PON2: variants seen among roughly 807,000 people sequenced by gnomAD.
The protein encoded by PON2 is serum paraoxonase/arylesterase 2.
A neutral mutation model predicts 36.6 loss-of-function variants in PON2; 27 were observed. The ratio of observed to expected loss-of-function variants is 0.74; its 90% CI spans 0.54 to 1.02. The LOEUF is 1.02. Ranked by LOEUF, PON2 falls within the 50% of genes least tolerant of loss-of-function variation. The probability of loss-of-function intolerance (pLI) is 0.00; values close to 1 mark genes in which losing one functional copy is unlikely to be tolerated. For synonymous variants in PON2, 149 were observed against 156.3 expected, an observed-to-expected ratio of 0.95 and a Z score of 0.35; for missense variants, 363 against 421.1, an observed-to-expected ratio of 0.86 and a Z score of 1.21.
rs555940055 is a variant in PON2 at position 95,416,311 on chromosome 7, G to A, written c.146-14C>T. 35 of 1,613,120 alleles carry A rather than the reference G, an allele frequency of 2.2e-5. 1 individual carries two copies. The East Asian group carries it at 6.7e-4, about 31-fold the overall frequency. On this transcript the variant is annotated splice_polypyrimidine_tract_variant and intron_variant, in intron 2 of 8. Transcript: ENST00000222572. ...CAGAGCCAGCTTCTGTAAGTTTAAG[G>A]AACAGATAAATGTCATGTTCAAGTT... is the stretch of plus-strand genomic sequence containing the variant.
intron 8 of PON2, 45 bp from the exon 9 acceptor site, chr7:95,405,533 C>A (rs1562783295): frequency 6.4e-7 from 1 of 1,553,304 alleles, no homozygotes; most frequent in Non-Finnish European, 8.9e-7. Context: ...ACCGTACATG[C>A]ATGTCACTCA....
rs1809714185 is a variant in PON2 at position 95,406,990 on chromosome 7, C to A, written c.774G>T (p.Leu258Phe). ...TATGTAAAAATAAATATTTTACCTTCAACTGAGTTAAATTCATATTAGTGT... is the reference window on the plus strand; with the variant it reads ...TATGTAAAAATAAATATTTTACCTTAAACTGAGTTAAATTCATATTAGTGT... ...EKHTNMNLTQ[L>F]KVLELDTLVD... Residue 258 changes from leucine (L) to phenylalanine (F), a missense_variant, in exon 7 of 9, where the codon TTG becomes TTT. Physicochemically the swap from Leu to Phe is conservative, Grantham distance 22. Transcript: ENST00000222572. 2.0e-6 allele frequency: 3 copies of A among 1,524,698 alleles called. No individual in the cohort carries two copies. The highest frequency in any genetic ancestry group is 2.7e-6 in the Non-Finnish European group (3 of 1,101,382). 94.4% of individuals were successfully genotyped at this position (1,524,698 alleles called of 1,614,324 possible).
intron 2 of PON2, among the ~76,000 whole-genome samples, chr7:95,422,343 C>T (rs575086655): frequency 6.6e-6 from 1 of 152,140 alleles, no homozygotes; most frequent in South Asian, 2.1e-4. Context: ...AAAAAGGGAG[C>T]TTTATCTTTG....
intron 2 of PON2, 67 bp downstream of exon 2, chr7:95,424,448 T>C: frequency 7.9e-7 from 1 of 1,265,560 alleles, no homozygotes; most frequent in Non-Finnish European, 1.2e-6. Context: ...AAAATGCCAT[T>C]AATGAGTGTT....
At chr7:95,410,268 G>T (rs181064370) in intron 5 of PON2, among the ~76,000 whole-genome samples, 167 bp from the exon 6 acceptor site, 3 of 152,266 alleles carry the variant, frequency 2.0e-5, no homozygotes, top group Admixed American at 6.5e-5. Flanking sequence ...CTATAATATT[G>T]TTGCCAGAGA....
At chr7:95,416,200 G>GT (rs1305128541) in intron 3 of PON2, 42 bp downstream of exon 3, 2 of 1,611,144 alleles carry the variant, frequency 1.2e-6, no homozygotes, top group East Asian at 2.2e-5. Flanking sequence ...AAATACCCTT[G>GT]TATCTCCTCT....
At chr7:95,405,975 T>G (rs1256326572) in intron 8 of PON2, 144 bp downstream of exon 8, 3 of 877,256 alleles carry the variant, frequency 3.4e-6, no homozygotes, top group African/African-American at 3.4e-5. Flanking sequence ...AATTATTGGC[T>G]TAACGCAATT....
intron 1 of PON2, among the ~76,000 whole-genome samples, chr7:95,426,141 T>A (rs1459485835): frequency 6.6e-6 from 1 of 151,986 alleles, no homozygotes; most frequent in East Asian, 1.9e-4. Context: ...AACTATAGGG[T>A]ACTATACTCA....
chr7:95,427,639 A>C (rs1251652088), intron 1 of PON2, among the ~76,000 whole-genome samples: 8 of 152,206 alleles, frequency 5.3e-5, no homozygotes, highest in Non-Finnish European at 8.8e-5. Context: ...TGAAGAACCC[A>C]GTTCCTTGAT....
At chr7:95,411,605 T>G in intron 5 of PON2, 48 bp downstream of exon 5, 1 of 1,610,148 alleles carries the variant, frequency 6.2e-7, no homozygotes, top group African/African-American at 1.3e-5. Context: ...TAGGGATTGT[T>G]TGCAAATGCT....
rs1809653075 is a variant in PON2 at position 95,405,398 on chromosome 7, C to T, written c.997G>A (p.Ala333Thr). 1 of 1,613,810 alleles carries T rather than the reference C, an allele frequency of 6.2e-7. No individual in the cohort carries two copies. The highest frequency in any genetic ancestry group is 1.7e-5 in the Admixed American group (1 of 59,998). The change falls in exon 9 of 9, where the codon GCC (alanine) becomes ACC (threonine). Residue 333 changes from alanine to threonine, a missense_variant. Coordinates refer to ENST00000222572, the MANE Select transcript of PON2 (RefSeq NM_000305.3). ...AGCAGCTTCCCATCATACACTGAGG[C>T]TACAGAACTTCCTTGGAGAACAGAC... ...NGSVLQGSSV[A>T]SVYDGKLLIG...
intron 1 of PON2, among the ~76,000 whole-genome samples, chr7:95,427,539 G>A (rs1000751870): frequency 1.3e-5 from 2 of 152,138 alleles, no homozygotes; most frequent in Non-Finnish European, 2.9e-5. Flanking sequence ...GAACACACAC[G>A]CAGTGTTTGA....
At chr7:95,424,478 A>T (rs1585761028) in intron 2 of PON2, 37 bp downstream of exon 2, 1 of 1,564,664 alleles carries the variant, frequency 6.4e-7, no homozygotes, top group Non-Finnish European at 8.8e-7. Context: ...ATGGCCAAAA[A>T]ATGCAATGTG....
At chr7:95,407,213 T>C in intron 6 of PON2, 145 bp from the exon 7 acceptor site, 1 of 555,890 alleles carries the variant, frequency 1.8e-6, no homozygotes, top group Non-Finnish European at 3.2e-6. Flanking sequence ...TCAATTTTTA[T>C]TTAAAAAGTA....
chr7:95,405,987 C>T (rs546346860), intron 8 of PON2, 132 bp downstream of exon 8: 2 of 1,088,546 alleles, frequency 1.8e-6, no homozygotes, highest in Admixed American at 4.9e-5. Flanking sequence ...AACGCAATTA[C>T]AAAACCACGA....
intron 2 of PON2, chr7:95,418,483 G>A (rs1789122082): frequency 6.6e-6 from 1 of 152,094 alleles, no homozygotes; most frequent in South Asian, 2.1e-4. Flanking sequence ...CCTCTGTAAA[G>A]CCACTTCACT....
At chr7:95,412,515 T>G in intron 3 of PON2, 38 bp from the exon 4 acceptor site, 1 of 1,591,390 alleles carries the variant, frequency 6.3e-7, no homozygotes, top group Non-Finnish European at 8.6e-7. Context: ...TACAAAAGCT[T>G]AAGTATTTTT....
chr7:95,434,846 G>C, intron 1 of PON2, 32 bp downstream of exon 1: 1 of 1,534,672 alleles, frequency 6.5e-7, no homozygotes, highest in Non-Finnish European at 8.7e-7. Context: ...CCTGGGGACC[G>C]CCGAGGAGGG....
At chr7:95,411,534 C>T (rs1788923931) in intron 5 of PON2, 119 bp downstream of exon 5, 2 of 1,253,946 alleles carry the variant, frequency 1.6e-6, no homozygotes, top group African/African-American at 1.5e-5. Flanking sequence ...AGCTCTTTAG[C>T]TCTTACATAT....
Sources: gnomAD v4.1 joint callset for allele counts (sites outside exome capture counted in the v4.1 genomes callset) on GRCh38, gnomAD v4.1.1 for gene constraint, MANE v1.5 for transcripts, NCBI Gene and HGNC (gene_info 2026-07-23, HGNC 2026-07-21) for gene names.